KDM5B: variants seen among roughly 807,000 people sequenced by gnomAD.
The protein encoded by KDM5B is lysine-specific demethylase 5B.
Under a neutral mutation model 193.4 loss-of-function variants are expected in KDM5B, and 144 were observed. The ratio of observed to expected loss-of-function variants is 0.74; its 90% CI spans 0.65 to 0.86. KDM5B has a LOEUF of 0.86. KDM5B is among the 40% of genes least tolerant of loss of function. KDM5B has a pLI of 0.00. For missense variants in KDM5B, 1,833 were observed against 1,886.9 expected (o/e 0.97, Z 0.53); for synonymous variants, 668 against 682.6 (o/e 0.98, Z 0.33).
At chr1:202,749,174 C>T in intron 13 of KDM5B, 35 bp from the exon 14 acceptor site, 1 of 1,564,280 alleles carries the variant, frequency 6.4e-7, no homozygotes, top group Non-Finnish European at 8.7e-7. Context: ...AAATAACATT[C>T]ATCTTTCTTC....
At chr1:202,734,892 G>A (rs1655038289) in intron 22 of KDM5B, among the ~76,000 whole-genome samples, 1 of 152,164 alleles carries the variant, frequency 6.6e-6, no homozygotes. Context: ...GCAATGCTTT[G>A]TGCCATTAAA....
At chr1:202,790,438 G>C (rs1222506925) in intron 1 of KDM5B, among the ~76,000 whole-genome samples, 1 of 151,834 alleles carries the variant, frequency 6.6e-6, no homozygotes, top group East Asian at 1.9e-4. Flanking sequence ...ACAAAAATTA[G>C]GCCAGGCACC....
chr1:202,745,858 T>G lies in KDM5B; in HGVS notation c.2323A>C (p.Ser775Arg). The G allele has an allele frequency of 2.5e-6, 4 of 1,613,960 alleles. No individual in the cohort carries two copies. Among genetic ancestry groups the G allele is most frequent in the Non-Finnish European group, 3.4e-6 (4 of 1,179,878 alleles). Residue 775 changes from serine to arginine, a missense_variant and splice_region_variant, in exon 16 of 27, where the codon AGC becomes CGC. Physicochemically the swap from Ser to Arg is moderately radical, Grantham distance 110. Transcript: ENST00000367265. ...CCAAGTCACTTTCTGTATCACATAC[T>G]TTTCTTCTTGTTGATCTTTGCCTCC... ...ALEAKINKKK[S>R]LVSFKALIEE...
chr1:202,727,504 A>G lies in KDM5B; in HGVS notation c.*1532T>C, dbSNP rs1654716263. On this transcript the variant is annotated 3_prime_UTR_variant, in exon 27 of 27. Coordinates refer to ENST00000367265, the MANE Select transcript of KDM5B (RefSeq NM_006618.5). ...CTGCTGTTTTTGTTGTTGTTTTATT[A>G]AAGACCCACCAGTTTTACTCATCTT... 1 of 152,656 alleles carries G rather than the reference A, an allele frequency of 6.6e-6. No homozygotes were observed. The highest frequency in any genetic ancestry group is 1.5e-5 in the Non-Finnish European group (1 of 68,036). The allele number at this position is 152,656 out of a possible 1,614,324, so 9.5% of individuals were successfully genotyped here. A position where few individuals can be genotyped will look rare whatever the true frequency, so the allele number is the denominator to read the frequency against.
chr1:202,763,789 G>A (rs1190905162), intron 6 of KDM5B, among the ~76,000 whole-genome samples: 1 of 152,126 alleles, frequency 6.6e-6, no homozygotes, highest in Non-Finnish European at 1.5e-5. Flanking sequence ...TGCTACAGCT[G>A]AGAAACTCAT....
chr1:202,731,822 A>G lies in KDM5B; in HGVS notation c.4021+6T>C. 1.3e-6 allele frequency: 2 copies of G among 1,585,860 alleles called. No homozygotes were observed. The highest frequency in any genetic ancestry group is 1.7e-6 in the Non-Finnish European group (2 of 1,154,298). ...CCAGCCCTCAACGTAATAACAAAAT[A>G]CAAACCATGGAGGGGGATACAACTT... On this transcript the variant is annotated splice_donor_region_variant and intron_variant, in intron 24 of 26. Transcript: ENST00000367265.
At chr1:202,737,941 G>A (rs1275801049) in intron 20 of KDM5B, among the ~76,000 whole-genome samples, 1 of 152,198 alleles carries the variant, frequency 6.6e-6, no homozygotes, top group African/African-American at 2.4e-5. Flanking sequence ...AATTAAATCT[G>A]TTAGGGCATA....
intron 8 of KDM5B, 92 bp downstream of exon 8, chr1:202,760,323 T>C: frequency 1.1e-6 from 1 of 884,976 alleles, no homozygotes; most frequent in Non-Finnish European, 1.7e-6. Context: ...CTAAAAAAAA[T>C]AAAATAAAAT....
intron 14 of KDM5B, among the ~76,000 whole-genome samples, chr1:202,748,161 TAG>T (rs1655640183): frequency 6.6e-6 from 1 of 152,154 alleles, no homozygotes; most frequent in Non-Finnish European, 1.5e-5. Flanking sequence ...GAAGAAAAGA[TAG>T]TCTTTTCAAG....
chr1:202,729,102 C>G lies in KDM5B; in HGVS notation c.4569G>C (p.Glu1523Asp). Residue 1523 changes from glutamate (E) to aspartate (D), a missense_variant, in exon 27 of 27, where the codon GAG becomes GAC. Physicochemically the swap from Glu to Asp is conservative, Grantham distance 45. Coordinates refer to ENST00000367265, the MANE Select transcript of KDM5B (RefSeq NM_006618.5). ...AGATGTAGTCTTCTTTCTCTGCCAT[C>G]TCTGGGGAGACACCAACACAGACCT... ...FHQVCVGVSP[E>D]MAEKEDYICV... is the part of the protein sequence containing the mutation. The G allele has an allele frequency of 6.2e-7, 1 of 1,614,168 alleles. No homozygotes were observed. Among genetic ancestry groups the G allele is most frequent in the Non-Finnish European group, 8.5e-7 (1 of 1,180,012 alleles).
intron 12 of KDM5B, among the ~76,000 whole-genome samples, chr1:202,752,568 T>C (rs12041098): frequency 2.0e-5 from 3 of 152,198 alleles, no homozygotes; most frequent in African/African-American, 7.2e-5. Context: ...ACCTCTAGAC[T>C]TTTCAGTCAG....
intron 17 of KDM5B, 41 bp downstream of exon 17, chr1:202,742,614 G>C: frequency 1.2e-6 from 2 of 1,610,596 alleles, no homozygotes; most frequent in Admixed American, 1.7e-5. Flanking sequence ...TCCAAACATA[G>C]GTGCCAAAGA....
chr1:202,785,874 A>G (rs1316585656), intron 1 of KDM5B, among the ~76,000 whole-genome samples: 1 of 151,288 alleles, frequency 6.6e-6, no homozygotes, highest in East Asian at 1.9e-4. Flanking sequence ...GCACCACTTC[A>G]TTCCAGCCTG....
chr1:202,767,359 T>TC (rs1656512376), intron 4 of KDM5B: 1 of 1,520,136 alleles, frequency 6.6e-7, no homozygotes, highest in Non-Finnish European at 9.1e-7. Context: ...CCCAGGGCCC[T>TC]CCTCACAGTG....
chr1:202,740,974 G>C (rs1460494352), intron 19 of KDM5B, among the ~76,000 whole-genome samples, 162 bp from the exon 20 acceptor site: 2 of 152,000 alleles, frequency 1.3e-5, no homozygotes. Context: ...CTGTTTTCTT[G>C]CAGAACAGTG....
intron 1 of KDM5B, among the ~76,000 whole-genome samples, chr1:202,799,710 A>T (rs1558521522): frequency 6.6e-6 from 1 of 152,190 alleles, no homozygotes; most frequent in Non-Finnish European, 1.5e-5. Flanking sequence ...AAATAAAAAT[A>T]TACATACACA....
At chr1:202,731,795 A>T (rs766239057) in intron 24 of KDM5B, 33 bp downstream of exon 24, 1 of 1,403,084 alleles carries the variant, frequency 7.1e-7, no homozygotes, top group South Asian at 1.2e-5. Flanking sequence ...ACTCATTACT[A>T]TCCAGCCCTC....
At chr1:202,731,764 A>G in intron 24 of KDM5B, 64 bp downstream of exon 24, 1 of 1,169,686 alleles carries the variant, frequency 8.5e-7, no homozygotes, top group South Asian at 1.2e-5. Flanking sequence ...ATCTATAATA[A>G]AAACCTAGTA....
chr1:202,784,841 C>T (rs1055559301), intron 1 of KDM5B, among the ~76,000 whole-genome samples: 8 of 152,144 alleles, frequency 5.3e-5, no homozygotes, highest in African/African-American at 1.9e-4. Flanking sequence ...CAAGACCAGC[C>T]AGGCCAATGT....
Sources: allele counts gnomAD v4.1 joint callset (sites outside exome capture counted in the v4.1 genomes callset), GRCh38; gene constraint gnomAD v4.1.1; transcripts MANE v1.5; gene names NCBI Gene and HGNC (gene_info 2026-07-23, HGNC 2026-07-21).